Variants in TMEM131 observed in about 807,000 individuals in gnomAD.
The protein encoded by TMEM131 is transmembrane protein 131.
TMEM131 carries 66 observed loss-of-function variants against 211.6 expected under a neutral mutation model. The observed-to-expected ratio is 0.31, with a 90% CI of 0.26 to 0.38. TMEM131 has a LOEUF of 0.38. TMEM131 is among the 10% of genes least tolerant of loss of function. TMEM131 has a pLI of 1.00. For synonymous variants in TMEM131, 844 were observed against 841.3 expected (o/e 1.00, Z -0.06); for missense variants, 2,036 against 2,299.3 (o/e 0.89, Z 2.34).
Position 97,792,913 on chromosome 2 carries a change from G to T in TMEM131, c.3617C>A (p.Pro1206His). 1 of 1,612,366 alleles carries T rather than the reference G, an allele frequency of 6.2e-7. No homozygotes were observed. The highest frequency in any genetic ancestry group is 8.5e-7 in the Non-Finnish European group (1 of 1,179,574). The change falls in exon 31 of 41, where the codon CCC (proline) becomes CAC (histidine). Residue 1206 changes from proline (P) to histidine (H), a missense_variant. Transcript: ENST00000186436. Reference protein sequence around the residue: ...FCGAGGSSSRPSAGSHKQCGP... With the variant: ...FCGAGGSSSRHSAGSHKQCGP... ...ACACTGCTTATGACTCCCGGCACTGGGTCGGGATGATGAACCGCCTGCTCC... is the reference window on the plus strand; with the variant it reads ...ACACTGCTTATGACTCCCGGCACTGTGTCGGGATGATGAACCGCCTGCTCC...
chr2:97,978,043 C>A (rs890242548), intron 1 of TMEM131, among the ~76,000 whole-genome samples: 1 of 151,998 alleles, frequency 6.6e-6, no homozygotes, highest in Non-Finnish European at 1.5e-5. Context: ...GCCGAGACTG[C>A]GCCACTGCAC....
At position 97,762,104 on chromosome 2, in the gene TMEM131, G is replaced by A. The variant is rs1415302077; in HGVS notation, c.4820C>T (p.Pro1607Leu). The change falls in exon 36 of 41, where the codon CCC (proline) becomes CTC (leucine). Residue 1607 changes from proline (P) to leucine (L), a missense_variant. Transcript: ENST00000186436. ...CACAAAGGGGCAGGGGGCAGCTGGG[G>A]GAGACGGGGAAGCAGGTGTCGGTGA... ...QTSPTPASPSPPAAPCPFVAR... is the reference protein window; with the variant it reads ...QTSPTPASPSLPAAPCPFVAR... 2 of 1,613,046 alleles carry A rather than the reference G, an allele frequency of 1.2e-6. No homozygotes were observed. The highest frequency in any genetic ancestry group is 1.3e-5 in the African/African-American group (1 of 74,968).
intron 1 of TMEM131, among the ~76,000 whole-genome samples, chr2:97,943,039 A>AAGAAAGAAAGAAAGAAAGAAAGAG (rs1677848513): frequency 1.7e-5 from 1 of 59,540 alleles, no homozygotes; most frequent in Non-Finnish European, 3.7e-5. Context: ...AAGAAAAGAA[A>AAGAAAGAAAGAAAGAAAGAAAGAG]AGAAAGAAAG....
intron 1 of TMEM131, among the ~76,000 whole-genome samples, chr2:97,956,728 A>C (rs1410446745): frequency 1.3e-5 from 2 of 152,206 alleles, no homozygotes; most frequent in South Asian, 4.1e-4. Context: ...TTGTAAATAC[A>C]TGGTCCAAAA....
intron 2 of TMEM131, among the ~76,000 whole-genome samples, chr2:97,914,037 A>G (rs570118390): frequency 1.3e-5 from 2 of 152,294 alleles, no homozygotes; most frequent in Admixed American, 6.5e-5. Context: ...CTCAACATGT[A>G]ATCCTACTTC....
At chr2:97,900,260 A>C (rs556371993) in intron 3 of TMEM131, among the ~76,000 whole-genome samples, 83 of 152,240 alleles carry the variant, frequency 5.5e-4, no homozygotes, top group African/African-American at 1.9e-3. Flanking sequence ...GCACCATCAT[A>C]AAGTCCAAAA....
intron 1 of TMEM131, among the ~76,000 whole-genome samples, chr2:97,942,949 C>T (rs980602407): frequency 1.4e-5 from 2 of 143,460 alleles, no homozygotes; most frequent in Admixed American, 1.4e-4. Context: ...TAGCAACATA[C>T]CATGGCTACA....
intron 1 of TMEM131, among the ~76,000 whole-genome samples, chr2:97,941,233 C>T (rs1388585286): frequency 6.6e-6 from 1 of 152,180 alleles, no homozygotes; most frequent in Non-Finnish European, 1.5e-5. Context: ...AAAGGATTCC[C>T]TATTTAATAA....
intron 5 of TMEM131, among the ~76,000 whole-genome samples, chr2:97,852,152 C>G (rs570342079): frequency 7.0e-6 from 1 of 141,966 alleles, no homozygotes. Flanking sequence ...TAAGCAGCCA[C>G]GGCATTCTCT....
chr2:97,950,678 T>G (rs1247890847), intron 1 of TMEM131, among the ~76,000 whole-genome samples: 1 of 152,112 alleles, frequency 6.6e-6, no homozygotes, highest in Non-Finnish European at 1.5e-5. Flanking sequence ...CATGTAGAAG[T>G]TGAATGAGTT....
chr2:97,956,857 G>C (rs11673861), intron 1 of TMEM131, among the ~76,000 whole-genome samples: 1,983 of 152,166 alleles, frequency 0.013, 27 homozygotes, highest in Non-Finnish European at 0.011. Context: ...CCAGCAGTTT[G>C]GGAGGCCGAG....
chr2:97,917,224 A>C (rs982783726), intron 2 of TMEM131, among the ~76,000 whole-genome samples: 2 of 152,194 alleles, frequency 1.3e-5, no homozygotes, highest in African/African-American at 4.8e-5. Context: ...CACTACGATG[A>C]CCAAAGTTGA....
At chr2:97,904,102 G>A (rs990069771) in intron 3 of TMEM131, among the ~76,000 whole-genome samples, 1 of 152,042 alleles carries the variant, frequency 6.6e-6, no homozygotes, top group African/African-American at 2.4e-5. Context: ...TCTGAACCCT[G>A]GACCCCAAAT....
intron 1 of TMEM131, among the ~76,000 whole-genome samples, chr2:97,964,792 T>C (rs191884119): frequency 6.6e-6 from 1 of 152,308 alleles, no homozygotes; most frequent in African/African-American, 2.4e-5. Context: ...TACTAATCTA[T>C]AAAACAGAAA....
At chr2:97,800,302 C>T (rs756928219) in intron 25 of TMEM131, among the ~76,000 whole-genome samples, 4 of 152,190 alleles carry the variant, frequency 2.6e-5, no homozygotes, top group Admixed American at 2.0e-4. Flanking sequence ...ATTTAGAATA[C>T]ATTTCTGACG....
Position 97,789,864 on chromosome 2 carries a change from G to A in TMEM131, c.4144+2522C>T, listed in dbSNP as rs150960057. Among the ~76,000 whole-genome samples the A allele has an allele frequency of 1.1e-3, 166 of 152,300 alleles. 1 individual carries two copies. Among genetic ancestry groups the A allele is most frequent in the African/African-American group, 4.0e-3 (165 of 41,576 alleles). ...TCCCTGCTCAGGCCAACCATGAACAGGCGGCATTTCTGGGCATCATCTTCC... is the reference window on the plus strand; with the variant it reads ...TCCCTGCTCAGGCCAACCATGAACAAGCGGCATTTCTGGGCATCATCTTCC... On this transcript the variant is annotated intron_variant, in intron 31 of 40. Coordinates refer to ENST00000186436, the MANE Select transcript of TMEM131 (RefSeq NM_015348.2).
In TMEM131 at chr2:97,995,534, T is replaced by C. The variant is rs1387383272; in HGVS notation, c.129A>G (p.Leu43=). The change falls in exon 1 of 41, where the codon CTA becomes CTG. Residue 43 remains leucine (L), a synonymous_variant. Transcript: ENST00000186436. The part of the protein sequence containing the change: ...GGPRSAAAGL[L]GALHLVMTLV... ...GGGTCATCACCAGGTGCAGCGCGCC[T>C]AGGAGGCCGGCGGCCGCGCTCCGCG... is the stretch of plus-strand genomic sequence containing the variant. 1 of 1,354,040 alleles carries C rather than the reference T, an allele frequency of 7.4e-7. No individual in the cohort carries two copies. The highest frequency in any genetic ancestry group is 9.5e-7 in the Non-Finnish European group (1 of 1,047,186). 83.9% of individuals were successfully genotyped at this position (1,354,040 alleles called of 1,614,324 possible). A position where few individuals can be genotyped will look rare whatever the true frequency, so the allele number is the denominator to read the frequency against.
intron 4 of TMEM131, among the ~76,000 whole-genome samples, chr2:97,864,198 G>C (rs2105195658): frequency 6.6e-6 from 1 of 152,286 alleles, no homozygotes; most frequent in Non-Finnish European, 1.5e-5. Flanking sequence ...CATGGAGATA[G>C]AGAGTAGGAG....
chr2:97,811,118 A>C lies in TMEM131; in HGVS notation c.1968+10T>G, dbSNP rs199800444. ...AACCCCACTGCCATGAATCCCCATA[A>C]AGTCCTTACCTCATAGTCTGTTGTG... On this transcript the variant is annotated intron_variant, in intron 18 of 40. Transcript: ENST00000186436. The C allele has an allele frequency of 2.5e-6, 4 of 1,596,904 alleles. No individual in the cohort carries two copies. The highest frequency in any genetic ancestry group is 3.4e-6 in the Non-Finnish European group (4 of 1,164,592).
Sources: allele counts gnomAD v4.1 joint callset (sites outside exome capture counted in the v4.1 genomes callset), GRCh38; gene constraint gnomAD v4.1.1; transcripts MANE v1.5; gene names NCBI Gene and HGNC (gene_info 2026-07-23, HGNC 2026-07-21).